The following LPIN1 variants were observed in gnomAD, a reference collection of about 807,000 sequenced individuals.
LPIN1 encodes the protein lipin 1.
A neutral mutation model predicts 107.5 loss-of-function variants in LPIN1; 71 were observed. That is an observed-to-expected ratio of 0.66 (90% confidence interval 0.55 to 0.80). The LOEUF (loss-of-function observed/expected upper bound fraction) is 0.80. Among genes scored for constraint, LPIN1 ranks in the 30% least tolerant of loss-of-function variants. The probability of loss-of-function intolerance (pLI) is 0.00; values close to 1 mark genes in which losing one functional copy is unlikely to be tolerated. For missense variants in LPIN1, 1,043 were observed against 1,160.6 expected (o/e 0.90, Z 1.47); for synonymous variants, 445 against 452.6 (o/e 0.98, Z 0.21).
At chr2:11,702,108 C>A (rs78642148) in intron 1 of LPIN1, among the ~76,000 whole-genome samples, 1 of 152,102 alleles carries the variant, frequency 6.6e-6, no homozygotes, top group Non-Finnish European at 1.5e-5. Flanking sequence ...GTGGTGCTCA[C>A]GGGTCCCTAA....
At chr2:11,706,021 G>GCAGCCCACGAC (rs1663111294) in intron 1 of LPIN1, among the ~76,000 whole-genome samples, 1 of 152,094 alleles carries the variant, frequency 6.6e-6, no homozygotes, top group African/African-American at 2.4e-5. Context: ...AAAAATGAGA[G>GCAGCCCACGAC]TTTCCCTGCA....
rs941471644 is a variant in LPIN1, at chr2:11,698,782, G to A, written c.82-14974G>A. ...CATTTTGTGAGCAGAAGGTGGGTCA[G>A]GGAACTTAGGAGTCTAAATGATGCC... On this transcript the variant is annotated intron_variant, in intron 1 of 21. Transcript: ENST00000449576. Among the ~76,000 whole-genome samples, 12 of 152,344 alleles carry A rather than the reference G, an allele frequency of 7.9e-5. No homozygotes were observed. The South Asian group carries it at 1.7e-3, about 21-fold the overall frequency.
rs182739728 is a variant in LPIN1 at position 11,751,462 on chromosome 2, C to T, written c.-10+4791C>T. Among the ~76,000 whole-genome samples, 56 of 152,168 alleles carry T rather than the reference C, an allele frequency of 3.7e-4. 1 individual carries two copies. The highest frequency in any genetic ancestry group is 1.2e-3 in the African/African-American group (50 of 41,498). On this transcript the variant is annotated intron_variant, in intron 1 of 20. Transcript: ENST00000674199. ...AAGATCTCTTCCTCCTTTTCCCAGGCTGGTCCCCAGGGGTGAATCTTGTGA... is the reference window on the plus strand; with the variant it reads ...AAGATCTCTTCCTCCTTTTCCCAGGTTGGTCCCCAGGGGTGAATCTTGTGA...
intron 17 of LPIN1, among the ~76,000 whole-genome samples, chr2:11,812,880 C>T (rs1364249142): frequency 6.6e-6 from 1 of 152,126 alleles, no homozygotes; most frequent in Non-Finnish European, 1.5e-5. Context: ...GGAGGCCATG[C>T]GGTGTGGACG....
chr2:11,693,088 G>A (rs1317874709), intron 1 of LPIN1, among the ~76,000 whole-genome samples: 5 of 152,132 alleles, frequency 3.3e-5, no homozygotes, highest in Non-Finnish European at 7.4e-5. Context: ...AGATGGGTCC[G>A]ATAGGTGGAG....
chr2:11,680,883 G>A (rs1473896882), intron 1 of LPIN1, among the ~76,000 whole-genome samples: 1 of 152,198 alleles, frequency 6.6e-6, no homozygotes, highest in Non-Finnish European at 1.5e-5. Context: ...CACGAGGCCT[G>A]GACTCACACC....
At chr2:11,691,626 C>T (rs1662277490) in intron 1 of LPIN1, among the ~76,000 whole-genome samples, 1 of 152,206 alleles carries the variant, frequency 6.6e-6, no homozygotes, top group Non-Finnish European at 1.5e-5. Context: ...GTCATATTTG[C>T]TTATCCATTG....
intron 1 of LPIN1, among the ~76,000 whole-genome samples, chr2:11,733,824 C>T (rs1447495952): frequency 1.3e-5 from 2 of 152,174 alleles, no homozygotes; most frequent in South Asian, 2.1e-4. Flanking sequence ...TGGAGGCCCA[C>T]AGCCTTTTGG....
chr2:11,803,305 G>A lies in LPIN1; in HGVS notation c.2013+272G>A, dbSNP rs774674697. ...AGAGTTAGGAGGAAGGCAGCCTGGC[G>A]GAGCTAATTCGTCCTAAGGTGTCAA... On this transcript the variant is annotated intron_variant, in intron 15 of 20. Coordinates refer to ENST00000674199, the MANE Select transcript of LPIN1 (RefSeq NM_001349206.2). This position sits in a 1 kb window ranked among gnomAD's most constrained non-coding sequence, Gnocchi z 4.2. Among the ~76,000 whole-genome samples, 6 of 152,152 alleles carry A rather than the reference G, an allele frequency of 3.9e-5. No homozygotes were observed. Among genetic ancestry groups the A allele is most frequent in the Non-Finnish European group, 7.3e-5 (5 of 68,040 alleles).
intron 1 of LPIN1, among the ~76,000 whole-genome samples, chr2:11,740,099 G>A (rs1265282728): frequency 6.6e-6 from 1 of 152,202 alleles, no homozygotes; most frequent in Admixed American, 6.5e-5. Context: ...ATCGGTGCAG[G>A]TCCTGGAGTC....
chr2:11,714,176 T>G (rs1663584288), intron 2 of LPIN1, among the ~76,000 whole-genome samples: 1 of 152,250 alleles, frequency 6.6e-6, no homozygotes, highest in South Asian at 2.1e-4. Context: ...TGGACGATCC[T>G]TACCGCAAAT....
At chr2:11,809,102 A>T (rs1679212761) in intron 17 of LPIN1, among the ~76,000 whole-genome samples, 3 of 152,084 alleles carry the variant, frequency 2.0e-5, no homozygotes, top group African/African-American at 7.3e-5. Context: ...ATGCAAATGG[A>T]AGATACAGGA....
chr2:11,731,927 T>C lies in LPIN1; in HGVS notation c.-72+7388T>C, dbSNP rs570077691. On this transcript the variant is annotated intron_variant, in intron 1 of 21. Transcript: ENST00000396097. ...GTTTTTGATGGGGTTGTATGGTTTT[T>C]TTCTTGCTTGTAAATTTGTTTAAGT... Among the ~76,000 whole-genome samples the C allele has an allele frequency of 2.0e-5, 3 of 152,334 alleles. No homozygotes were observed. In the South Asian group the frequency reaches 6.2e-4, roughly 32 times the overall value.
chr2:11,807,333 AT>A (rs1444053724), intron 17 of LPIN1, among the ~76,000 whole-genome samples: 2 of 152,188 alleles, frequency 1.3e-5, no homozygotes, highest in African/African-American at 4.8e-5. Context: ...AGAAGGATTA[AT>A]CTACTCATGA....
At chr2:11,802,593 T>A (rs554523371) in intron 14 of LPIN1, among the ~76,000 whole-genome samples, 1 of 152,268 alleles carries the variant, frequency 6.6e-6, no homozygotes, top group East Asian at 1.9e-4. Context: ...GAAGACAGCA[T>A]CTTCCTAGGC....
chr2:11,709,134 G>A (rs1482650959), intron 1 of LPIN1, among the ~76,000 whole-genome samples: 3 of 152,116 alleles, frequency 2.0e-5, no homozygotes, highest in African/African-American at 7.2e-5. Context: ...GTCCCAGGAG[G>A]AGTCCTCTTA....
At chr2:11,686,918 G>GTCTAGATTTC (rs1483485591) in intron 1 of LPIN1, among the ~76,000 whole-genome samples, 31 of 151,310 alleles carry the variant, frequency 2.0e-4, no homozygotes, top group African/African-American at 7.5e-4. Flanking sequence ...ATTATCTGTG[G>GTCTAGATTTC]TCTAGATTTC....
At chr2:11,806,814 G>C (rs1678769612) in intron 17 of LPIN1, among the ~76,000 whole-genome samples, 1 of 152,144 alleles carries the variant, frequency 6.6e-6, no homozygotes, top group South Asian at 2.1e-4. Context: ...CTTAAAAGTA[G>C]AACTACTATG....
intron 20 of LPIN1, chr2:11,823,277 G>A (rs988041498): frequency 7.5e-5 from 11 of 145,782 alleles, no homozygotes; most frequent in Admixed American, 2.0e-4. Context: ...GAGTGTGAGA[G>A]TGGGTTTGGT....
Sources: gnomAD v4.1 joint callset for allele counts (sites outside exome capture counted in the v4.1 genomes callset) on GRCh38, gnomAD v4.1.1 for gene constraint, Gnocchi (gnomAD v3.1) non-coding constraint, MANE v1.5 for transcripts, NCBI Gene and HGNC (gene_info 2026-07-23, HGNC 2026-07-21) for gene names.